RIPPLY3: variants seen among roughly 807,000 people sequenced by gnomAD.
RIPPLY3 encodes the protein protein ripply3.
RIPPLY3 carries 8 observed loss-of-function variants against 11.9 expected under a neutral mutation model. That is an observed-to-expected ratio of 0.67 (90% CI 0.40 to 1.21). RIPPLY3 has a LOEUF of 1.21. Among genes scored for constraint, RIPPLY3 ranks in the 50% most tolerant of loss-of-function variants. RIPPLY3 has a pLI of 0.01. For synonymous variants in RIPPLY3, 102 were observed against 99.0 expected (o/e 1.03, Z -0.18); for missense variants, 271 against 246.0 (o/e 1.10, Z -0.68).
intron 1 of RIPPLY3, among the ~76,000 whole-genome samples, chr21:37,007,398 C>CGAT (rs1159223092): frequency 1.1e-4 from 14 of 130,734 alleles, no homozygotes; most frequent in African/African-American, 4.2e-4. Flanking sequence ...GAAAGATTCC[C>CGAT]TCTTTTTTTT....
rs186262879 is a variant in RIPPLY3 at position 37,012,167 on chromosome 21, A to G, written c.172-1384A>G. Among the ~76,000 whole-genome samples, 13 of 150,560 alleles carry G rather than the reference A, an allele frequency of 8.6e-5. No individual in the cohort carries two copies. In the East Asian group the frequency reaches 2.3e-3, roughly 27 times the overall value. On this transcript the variant is annotated intron_variant, in intron 2 of 3. Transcript: ENST00000329553. Reference sequence around the variant, plus strand: ...TCCAATTGAACTTTGGAATCTGAAGATTTGGGGTTTCTGATGCACTGCCCC... The same window carrying G: ...TCCAATTGAACTTTGGAATCTGAAGGTTTGGGGTTTCTGATGCACTGCCCC...
intron 2 of RIPPLY3, among the ~76,000 whole-genome samples, chr21:37,011,299 C>T (rs1017070029): frequency 3.3e-5 from 5 of 152,212 alleles, no homozygotes; most frequent in African/African-American, 4.8e-5. Flanking sequence ...TGAGCCACTG[C>T]GCCCTGCCTG....
intron 2 of RIPPLY3, among the ~76,000 whole-genome samples, chr21:37,009,649 G>A (rs1253446239): frequency 6.6e-6 from 1 of 152,220 alleles, no homozygotes; most frequent in Non-Finnish European, 1.5e-5. Flanking sequence ...TGGATGTGGA[G>A]CCTATCAGTT....
At chr21:37,014,315 T>A (rs1601098556) in intron 3 of RIPPLY3, among the ~76,000 whole-genome samples, 1 of 151,554 alleles carries the variant, frequency 6.6e-6, no homozygotes, top group African/African-American at 2.4e-5. Flanking sequence ...CGAAACTCTG[T>A]CTCCAAAAAA....
rs527585083 is a variant in RIPPLY3, at chr21:37,018,282, C to T, written c.*75C>T. 1 of 1,247,888 alleles carries T rather than the reference C, an allele frequency of 8.0e-7. No homozygotes were observed. The highest frequency in any genetic ancestry group is 2.3e-5 in the East Asian group (1 of 42,566). 77.3% of individuals were successfully genotyped at this position (1,247,888 alleles called of 1,614,324 possible). On this transcript the variant is annotated 3_prime_UTR_variant, in exon 4 of 4. Transcript: ENST00000329553. ...TCTTGGGGACACCCGAGCCAGGACA[C>T]TACGCATCCCTGCTGAGTGTGCAGA...
At chr21:37,015,701 GT>G (rs1041475375) in intron 3 of RIPPLY3, among the ~76,000 whole-genome samples, 1 of 151,672 alleles carries the variant, frequency 6.6e-6, no homozygotes, top group African/African-American at 2.4e-5. Flanking sequence ...TGTTGTTGTT[GT>G]TAGCATATTT....
chr21:37,007,491 C>G (rs1195788836), intron 1 of RIPPLY3, among the ~76,000 whole-genome samples: 1 of 146,836 alleles, frequency 6.8e-6, no homozygotes, highest in African/African-American at 2.5e-5. Context: ...TCACGGGAAC[C>G]TCCGCCTCCC....
rs917152357 is a variant in RIPPLY3 at position 37,019,285 on chromosome 21, A to C, written c.*1078A>C. 1 of 143,044 alleles carries C rather than the reference A, an allele frequency of 7.0e-6. No individual in the cohort carries two copies. Among genetic ancestry groups the C allele is most frequent in the African/African-American group, 2.6e-5 (1 of 39,166 alleles). The allele number at this position is 143,044 out of a possible 1,614,324, so 8.9% of individuals were successfully genotyped here. ...GTCTCAAAAAAAAAAAAAAAAAAAA[A>C]GAAAGAAAAGAGTAACAGAAAGATA... On this transcript the variant is annotated 3_prime_UTR_variant, in exon 4 of 4. Coordinates refer to ENST00000329553, the MANE Select transcript of RIPPLY3 (RefSeq NM_018962.3).
upstream of RIPPLY3, chr21:37,006,654 C>T (rs1601093283): frequency 3.5e-6 from 2 of 569,036 alleles, no homozygotes; most frequent in African/African-American, 2.0e-5. The surrounding 1 kb of genome is among the most constrained non-coding windows in gnomAD (Gnocchi z 5.2). Context: ...CGCTTGCCCG[C>T]GCCGCCCCGC....
At chr21:37,010,402 A>ACTC (rs1438267177) in intron 2 of RIPPLY3, among the ~76,000 whole-genome samples, 35 of 152,300 alleles carry the variant, frequency 2.3e-4, no homozygotes, top group Non-Finnish European at 4.7e-4. Flanking sequence ...CTGAAGCAGG[A>ACTC]GGATCGCTTG....
chr21:37,007,925 G>C (rs2277784), intron 1 of RIPPLY3, among the ~76,000 whole-genome samples: 1 of 152,176 alleles, frequency 6.6e-6, no homozygotes, highest in Non-Finnish European at 1.5e-5. Context: ...TGAGATTCGG[G>C]ACCTCCCTTC....
Position 37,018,134 on chromosome 21 carries a change from G to T in RIPPLY3, c.500G>T (p.Gly167Val). The change falls in exon 4 of 4, where the codon GGT becomes GTT. Residue 167 changes from glycine to valine, a missense_variant. Gly to Val is a moderately radical substitution (Grantham distance 109). Transcript: ENST00000329553. ...INQGQRSSGG[G>V]DHWGEGPLPQ... ...CAAGGGCAGCGATCCTCAGGAGGGG[G>T]TGACCACTGGGGGGAGGGTCCGCTC... 6.2e-7 allele frequency: 1 copy of T among 1,614,024 alleles called. No homozygotes were observed. Among genetic ancestry groups the T allele is most frequent in the Middle Eastern group, 1.6e-4 (1 of 6,062 alleles).
intron 3 of RIPPLY3, among the ~76,000 whole-genome samples, chr21:37,015,745 G>A (rs192858029): frequency 1.3e-5 from 2 of 151,884 alleles, no homozygotes; most frequent in African/African-American, 2.4e-5. Flanking sequence ...TTGAGATAGG[G>A]TCTTGCTCTG....
intron 3 of RIPPLY3, among the ~76,000 whole-genome samples, chr21:37,017,556 G>A (rs1035029808): frequency 6.6e-6 from 1 of 152,168 alleles, no homozygotes. Flanking sequence ...ATCAGAGTGA[G>A]CCTCCTAATC....
chr21:37,013,526 T>C (rs773925458), intron 2 of RIPPLY3, 25 bp from the exon 3 acceptor site: 1 of 1,606,272 alleles, frequency 6.2e-7, no homozygotes, highest in Non-Finnish European at 8.5e-7. Flanking sequence ...ACTGTCTCTG[T>C]GTTTGTATGT....
chr21:37,017,493 G>T (rs2069590914), intron 3 of RIPPLY3, among the ~76,000 whole-genome samples: 1 of 152,100 alleles, frequency 6.6e-6, no homozygotes, highest in African/African-American at 2.4e-5. Flanking sequence ...GGAGAGTGGG[G>T]CTTCACCTAA....
intron 2 of RIPPLY3, 38 bp downstream of exon 2, chr21:37,008,261 G>T (rs1451904559): frequency 6.2e-7 from 1 of 1,606,348 alleles, no homozygotes; most frequent in Admixed American, 1.7e-5. Context: ...AACCCTTCCA[G>T]CCAGAAAGTG....
chr21:37,017,778 T>C (rs1040982147), intron 3 of RIPPLY3, 96 bp from the exon 4 acceptor site: 16 of 935,736 alleles, frequency 1.7e-5, no homozygotes, highest in Non-Finnish European at 2.5e-5. Context: ...AAAGGAAGAC[T>C]GGGGAGTTCT....
At chr21:37,012,212 TTTATTA>T (rs35315761) in intron 2 of RIPPLY3, among the ~76,000 whole-genome samples, 2,004 of 132,470 alleles carry the variant, frequency 0.015, 36 homozygotes, top group African/African-American at 0.04. Flanking sequence ...CCGCTCCTTA[TTTATTA>T]TTATTATTAT....
Sources: gnomAD v4.1 joint callset for allele counts (sites outside exome capture counted in the v4.1 genomes callset) on GRCh38, gnomAD v4.1.1 for gene constraint, Gnocchi (gnomAD v3.1) non-coding constraint, MANE v1.5 for transcripts, NCBI Gene and HGNC (gene_info 2026-07-23, HGNC 2026-07-21) for gene names.